PDE3A: variants seen among roughly 807,000 people sequenced by gnomAD.
PDE3A encodes cGMP-inhibited 3',5'-cyclic phosphodiesterase 3A.
In PDE3A, 43 loss-of-function variants were observed where a neutral mutation model predicts 98.3. That is an observed-to-expected ratio of 0.44 (90% CI 0.34 to 0.56). The LOEUF is 0.56. Among genes scored for constraint, PDE3A ranks in the 20% least tolerant of loss-of-function variants. The probability of loss-of-function intolerance (pLI) is 0.01; values close to 1 mark genes in which losing one functional copy is unlikely to be tolerated. For synonymous variants in PDE3A, 663 were observed against 567.9 expected (o/e 1.17, Z -2.38); for missense variants, 1,427 against 1,440.7 (o/e 0.99, Z 0.15).
At chr12:20,476,441 A>G (rs1303625351) in intron 1 of PDE3A, among the ~76,000 whole-genome samples, 1 of 152,254 alleles carries the variant, frequency 6.6e-6, no homozygotes, top group African/African-American at 2.4e-5. Context: ...TGAATGGCAT[A>G]TAAAAAATGA....
At chr12:20,610,684 A>G (rs1353913902) in intron 2 of PDE3A, among the ~76,000 whole-genome samples, 1 of 151,988 alleles carries the variant, frequency 6.6e-6, no homozygotes, top group Non-Finnish European at 1.5e-5. Context: ...ATATACATAC[A>G]ATGGAATAGC....
chr12:20,578,474 T>TACACAC lies in PDE3A; in HGVS notation c.1011+21793_1011+21798dup, dbSNP rs5796870. Among the ~76,000 whole-genome samples the TACACAC allele has an allele frequency of 1.0e-3, 148 of 148,570 alleles. 1 individual carries two copies. Among genetic ancestry groups the TACACAC allele is most frequent in the African/African-American group, 3.2e-3 (129 of 40,006 alleles). On this transcript the variant is annotated intron_variant, in intron 2 of 15. Transcript: ENST00000359062. ...TCACGTTCTGGAGTAATACAACTAA[T>TACACAC]ACACACACACACACACACACACACA...
chr12:20,459,607 T>C (rs1945213525), intron 1 of PDE3A, among the ~76,000 whole-genome samples: 1 of 152,178 alleles, frequency 6.6e-6, no homozygotes, highest in Non-Finnish European at 1.5e-5. Flanking sequence ...GTAGAGCATG[T>C]TCTTCATATT....
intron 1 of PDE3A, among the ~76,000 whole-genome samples, chr12:20,425,464 T>G (rs1272353147): frequency 6.6e-6 from 1 of 152,182 alleles, no homozygotes; most frequent in Non-Finnish European, 1.5e-5. Context: ...GACTTGTAAA[T>G]ATGAATTTAT....
intron 1 of PDE3A, among the ~76,000 whole-genome samples, chr12:20,455,932 A>G (rs1469669034): frequency 1.3e-5 from 2 of 152,146 alleles, no homozygotes; most frequent in Non-Finnish European, 2.9e-5. Flanking sequence ...CATCCCTGGA[A>G]CATTCCTATC....
chr12:20,381,623 C>T (rs1269597871), intron 1 of PDE3A, among the ~76,000 whole-genome samples: 1 of 151,790 alleles, frequency 6.6e-6, no homozygotes, highest in Non-Finnish European at 1.5e-5. Flanking sequence ...CACGAACTCT[C>T]CTGACATTCA....
intron 2 of PDE3A, among the ~76,000 whole-genome samples, chr12:20,586,280 G>GACACC (rs1943195706): frequency 6.6e-6 from 1 of 152,178 alleles, no homozygotes. Context: ...GTTTAGATAT[G>GACACC]ACACCCTCCC....
chr12:20,639,717 G>A (rs1473915009), intron 9 of PDE3A, 129 bp from the exon 10 acceptor site: 1 of 523,900 alleles, frequency 1.9e-6, no homozygotes, highest in East Asian at 3.0e-5. Flanking sequence ...AACTTAAAAG[G>A]ACACCCTTCA....
intron 15 of PDE3A, among the ~76,000 whole-genome samples, chr12:20,662,262 G>A (rs1467001039): frequency 6.6e-6 from 1 of 152,148 alleles, no homozygotes; most frequent in Non-Finnish European, 1.5e-5. Context: ...TTGTTGAATG[G>A]CACTGACCAA....
At position 20,486,791 on chromosome 12, in the gene PDE3A, A is replaced by T. The variant is rs572549976; in HGVS notation, c.961-69869A>T. ...TGGGATTACAGGCATGTGCCACCACATCTGGCTAGTTTTTGTATTTTTAGT... is the reference window on the plus strand; with the variant it reads ...TGGGATTACAGGCATGTGCCACCACTTCTGGCTAGTTTTTGTATTTTTAGT... On this transcript the variant is annotated intron_variant, in intron 1 of 15. Coordinates refer to ENST00000359062, the MANE Select transcript of PDE3A (RefSeq NM_000921.5). Among the ~76,000 whole-genome samples, 4 of 152,226 alleles carry T rather than the reference A, an allele frequency of 2.6e-5. No individual in the cohort carries two copies. The East Asian group carries it at 7.8e-4, about 30-fold the overall frequency.
intron 6 of PDE3A, among the ~76,000 whole-genome samples, chr12:20,632,964 T>TTA (rs1366832675): frequency 6.8e-6 from 1 of 148,030 alleles, no homozygotes; most frequent in Non-Finnish European, 1.5e-5. Flanking sequence ...TTTTTTTTTT[T>TTA]TTTTGAGATG....
chr12:20,465,295 A>G (rs1945321787), intron 1 of PDE3A, among the ~76,000 whole-genome samples: 1 of 152,188 alleles, frequency 6.6e-6, no homozygotes, highest in Admixed American at 6.5e-5. Flanking sequence ...TGGATTACAC[A>G]CGCTCATTCA....
intron 2 of PDE3A, among the ~76,000 whole-genome samples, chr12:20,576,845 G>A (rs910986767): frequency 6.6e-6 from 1 of 152,016 alleles, no homozygotes; most frequent in African/African-American, 2.4e-5. Flanking sequence ...AATGTGTCCA[G>A]TTGACAGAAT....
intron 2 of PDE3A, among the ~76,000 whole-genome samples, chr12:20,563,105 A>T (rs1329871164): frequency 2.0e-5 from 3 of 152,182 alleles, no homozygotes; most frequent in Admixed American, 6.5e-5. Context: ...TTAAGTCTCA[A>T]GGATGAATTT....
chr12:20,661,647 G>A (rs535716559), intron 15 of PDE3A, among the ~76,000 whole-genome samples: 105 of 152,312 alleles, frequency 6.9e-4, no homozygotes, highest in South Asian at 6.2e-3. Flanking sequence ...TTGCTTGAGA[G>A]GGTGGACGCC....
In PDE3A at chr12:20,491,329, TA is replaced by T. The variant is rs754634768; in HGVS notation, c.961-65329del. On this transcript the variant is annotated intron_variant, in intron 1 of 15. Transcript: ENST00000359062. ...TAATGAAAGGGTTGGGTATTAAAAATAAGGGGACGAACATTCGTGTTTTCTT... is the reference window on the plus strand; with the variant it reads ...TAATGAAAGGGTTGGGTATTAAAAATAGGGGACGAACATTCGTGTTTTCTT... Among the ~76,000 whole-genome samples, 6 of 152,188 alleles carry T rather than the reference TA, an allele frequency of 3.9e-5. No individual in the cohort carries two copies. In the East Asian group the frequency reaches 1.2e-3, roughly 30 times the overall value.
chr12:20,423,680 C>T (rs1161507934), intron 1 of PDE3A, among the ~76,000 whole-genome samples: 1 of 152,110 alleles, frequency 6.6e-6, no homozygotes, highest in African/African-American at 2.4e-5. Flanking sequence ...CCCTTGTTTT[C>T]ATCCTTCTTA....
chr12:20,640,106 G>A (rs111955351), intron 10 of PDE3A, 149 bp downstream of exon 10: 10 of 517,616 alleles, frequency 1.9e-5, no homozygotes, highest in Admixed American at 9.4e-5. Flanking sequence ...AGGAAATATC[G>A]CCTGTGTGTT....
chr12:20,406,768 A>G (rs919422319), intron 1 of PDE3A, among the ~76,000 whole-genome samples: 5 of 152,144 alleles, frequency 3.3e-5, no homozygotes, highest in African/African-American at 9.7e-5. Flanking sequence ...TGTCATACCC[A>G]TAAAATCATT....
Sources: gnomAD v4.1 joint callset for allele counts (sites outside exome capture counted in the v4.1 genomes callset) on GRCh38, gnomAD v4.1.1 for gene constraint, MANE v1.5 for transcripts, NCBI Gene and HGNC (gene_info 2026-07-23, HGNC 2026-07-21) for gene names.